Variants in CRB1 observed in about 807,000 individuals in gnomAD.
CRB1 encodes the protein protein crumbs homolog 1.
In CRB1, 83 loss-of-function variants were observed where a neutral mutation model predicts 120.0. The observed-to-expected ratio is 0.69, with a 90% CI of 0.58 to 0.83. The LOEUF is 0.83. CRB1 is among the 40% of genes least tolerant of loss of function. The pLI is 0.00. For synonymous variants in CRB1, 625 were observed against 612.5 expected (o/e 1.02, Z -0.30); for missense variants, 1,699 against 1,687.6 (o/e 1.01, Z -0.12).
At chr1:197,248,530 A>T in the CRB1 span, among the ~76,000 whole-genome samples, 4 of 152,020 alleles carry the variant, frequency 2.6e-5, no homozygotes, top group Non-Finnish European at 5.9e-5. Flanking sequence ...ACTAAAGAAG[A>T]TCAGCGAGTT....
chr1:197,395,569 T>A (rs992106331), intron 5 of CRB1, among the ~76,000 whole-genome samples: 1 of 152,138 alleles, frequency 6.6e-6, no homozygotes, highest in Non-Finnish European at 1.5e-5. Flanking sequence ...CTCCCTATAA[T>A]TTTTAGTCTT....
Position 197,322,240 on chromosome 1 carries a change from G to C in CRB1, c.71-6182G>C, listed in dbSNP as rs542452416. ...TCATGCCTGTAATCCCAGCACATTG[G>C]GGGGCCGAGGTAGACAGATCACTTG... On this transcript the variant is annotated intron_variant, in intron 1 of 11. Transcript: ENST00000367400. Among the ~76,000 whole-genome samples, 11 of 152,006 alleles carry C rather than the reference G, an allele frequency of 7.2e-5. No homozygotes were observed. In the South Asian group the frequency reaches 8.3e-4, roughly 11 times the overall value.
At chr1:197,349,280 A>T (rs1659953442) in intron 4 of CRB1, among the ~76,000 whole-genome samples, 1 of 152,178 alleles carries the variant, frequency 6.6e-6, no homozygotes, top group South Asian at 2.1e-4. Context: ...TTAGGTCTGT[A>T]TAAGTACACT....
chr1:197,347,795 G>T (rs1183488643), intron 4 of CRB1, among the ~76,000 whole-genome samples: 1 of 152,016 alleles, frequency 6.6e-6, no homozygotes, highest in African/African-American at 2.4e-5. Flanking sequence ...CTTCCAAGAT[G>T]TTCTCTTATA....
chr1:197,323,457 A>C (rs1658317849), intron 1 of CRB1, among the ~76,000 whole-genome samples: 2 of 152,206 alleles, frequency 1.3e-5, no homozygotes, highest in Non-Finnish European at 2.9e-5. Context: ...TGAGAATTTC[A>C]ATTTGCTAGA....
chr1:197,407,526 G>T (rs976251590), intron 5 of CRB1, among the ~76,000 whole-genome samples: 1 of 152,156 alleles, frequency 6.6e-6, no homozygotes, highest in East Asian at 1.9e-4. Flanking sequence ...TGCGATCAGA[G>T]CTTCTTAGCT....
At chr1:197,332,178 A>C (rs966414815) in intron 2 of CRB1, among the ~76,000 whole-genome samples, 1 of 152,084 alleles carries the variant, frequency 6.6e-6, no homozygotes, top group Non-Finnish European at 1.5e-5. Flanking sequence ...AACAAAAAAA[A>C]CAGCTAGAAA....
At chr1:197,401,718 ATAT>A (rs1663075549) in intron 5 of CRB1, among the ~76,000 whole-genome samples, 1 of 152,044 alleles carries the variant, frequency 6.6e-6, no homozygotes, top group African/African-American at 2.4e-5. Flanking sequence ...CTTCCCAATG[ATAT>A]TATAATTTTT....
intron 11 of CRB1, among the ~76,000 whole-genome samples, chr1:197,469,471 G>A (rs1251582784): frequency 2.0e-5 from 3 of 152,062 alleles, no homozygotes; most frequent in African/African-American, 7.2e-5. Context: ...AATTGTAGGG[G>A]AATTGGTTAC....
At chr1:197,373,102 T>C (rs1661460090) in intron 5 of CRB1, among the ~76,000 whole-genome samples, 1 of 152,100 alleles carries the variant, frequency 6.6e-6, no homozygotes, top group African/African-American at 2.4e-5. Flanking sequence ...AACTAGGGTG[T>C]CCCAACCCAG....
intron 11 of CRB1, among the ~76,000 whole-genome samples, chr1:197,448,074 T>G (rs961046351): frequency 3.3e-5 from 5 of 150,626 alleles, no homozygotes; most frequent in Non-Finnish European, 7.4e-5. Context: ...TTGTGTCCTG[T>G]TTTTTTTTCT....
intron 1 of CRB1, among the ~76,000 whole-genome samples, chr1:197,294,117 T>C (rs1402505529): frequency 6.6e-6 from 1 of 152,064 alleles, no homozygotes; most frequent in Non-Finnish European, 1.5e-5. Flanking sequence ...ACCATCAGGG[T>C]GAAAAGGCAA....
intron 11 of CRB1, among the ~76,000 whole-genome samples, chr1:197,469,809 C>T (rs1257852493): frequency 2.6e-5 from 4 of 152,138 alleles, no homozygotes; most frequent in African/African-American, 9.7e-5. Context: ...TCACTAGCAG[C>T]TCCTGATTGT....
chr1:197,368,963 G>C (rs1230160601), intron 5 of CRB1, among the ~76,000 whole-genome samples: 3 of 152,158 alleles, frequency 2.0e-5, no homozygotes, highest in South Asian at 4.1e-4. Flanking sequence ...ATTTAAAAGA[G>C]CTTTCAGGAG....
At chr1:197,309,991 G>A (rs139363911) in intron 1 of CRB1, among the ~76,000 whole-genome samples, 38 of 152,198 alleles carry the variant, frequency 2.5e-4, no homozygotes, top group African/African-American at 8.9e-4. Context: ...CACACTGGCT[G>A]ATGAAATGAA....
chr1:197,328,801 T>A lies in CRB1; in HGVS notation c.450T>A (p.Asp150Glu), dbSNP rs756735925. 1.9e-6 allele frequency: 3 copies of A among 1,613,964 alleles called. No individual in the cohort carries two copies. The highest frequency in any genetic ancestry group is 2.2e-5 in the South Asian group (2 of 91,040). Residue 150 changes from aspartate (D) to glutamate (E), a missense_variant, in exon 2 of 12, where the codon GAT becomes GAA. Coordinates refer to ENST00000367400, the MANE Select transcript of CRB1 (RefSeq NM_201253.3). ...GAAGATTCTGTGAGATAGATCACGA[T>A]GAGTGTGCTTCCAGCCCTTGCCAAA... ...YAGRFCEIDH[D>E]ECASSPCQNG...
chr1:197,399,081 T>C (rs891427360), intron 5 of CRB1, among the ~76,000 whole-genome samples: 1 of 152,162 alleles, frequency 6.6e-6, no homozygotes, highest in East Asian at 1.9e-4. Flanking sequence ...CATCTGTTAT[T>C]TCCAATTCAT....
the CRB1 span, chr1:197,222,630 A>T: frequency 2.6e-6 from 2 of 774,700 alleles, no homozygotes; most frequent in Non-Finnish European, 4.8e-6. Flanking sequence ...AGGGAAGGCA[A>T]ACTCAGTGTT....
intron 2 of CRB1, among the ~76,000 whole-genome samples, chr1:197,341,928 G>A (rs1489655502): frequency 6.6e-6 from 1 of 152,174 alleles, no homozygotes; most frequent in African/African-American, 2.4e-5. Flanking sequence ...GCTTCCTTGG[G>A]TGGACAAGGG....
Sources: allele counts gnomAD v4.1 joint callset (sites outside exome capture counted in the v4.1 genomes callset), GRCh38; gene constraint gnomAD v4.1.1; transcripts MANE v1.5; gene names NCBI Gene and HGNC (gene_info 2026-07-23, HGNC 2026-07-21).